The following CEP128 variants were observed in gnomAD, a reference collection of about 807,000 sequenced individuals.
CEP128 encodes the protein centrosomal protein 128.
A neutral mutation model predicts 156.7 loss-of-function variants in CEP128; 132 were observed. The observed-to-expected ratio is 0.84, with a 90% CI of 0.73 to 0.97. CEP128 has a LOEUF of 0.97. Ranked by LOEUF, CEP128 falls within the 50% of genes least tolerant of loss-of-function variation. The pLI, the probability that CEP128 is intolerant of heterozygous loss-of-function variation, is 0.00. For synonymous variants in CEP128, 469 were observed against 448.9 expected (o/e 1.04, Z -0.57); for missense variants, 1,252 against 1,281.9 (o/e 0.98, Z 0.36).
intron 19 of CEP128, among the ~76,000 whole-genome samples, chr14:80,726,111 T>C (rs1357202221): frequency 6.6e-6 from 1 of 152,142 alleles, no homozygotes; most frequent in Non-Finnish European, 1.5e-5. Flanking sequence ...TCTCTTGTGG[T>C]TTAGAAACCA....
chr14:80,785,072 T>A lies in CEP128; in HGVS notation c.2034A>T (p.Glu678Asp), dbSNP rs1235469773. Residue 678 changes from glutamate (E) to aspartate (D), a missense_variant, in exon 15 of 25, where the codon GAA (glutamate) becomes GAT (aspartate). Physicochemically the swap from Glu to Asp is conservative, Grantham distance 45. Coordinates refer to ENST00000555265, the MANE Select transcript of CEP128 (RefSeq NM_152446.5). ...LTAQAKSRDE[E>D]TATIITQLKL... ...TTAACTGTGTGATGATTGTAGCTGT[T>A]TCTTCATCCCTGGATTTTGCCTGTG... 3 of 1,614,192 alleles carry A rather than the reference T, an allele frequency of 1.9e-6. No homozygotes were observed. In the Admixed American group the frequency reaches 5.0e-5, roughly 27 times the overall value.
At chr14:80,893,856 A>G (rs1036558735) in intron 8 of CEP128, among the ~76,000 whole-genome samples, 19 of 151,994 alleles carry the variant, frequency 1.3e-4, no homozygotes, top group African/African-American at 4.3e-4. Context: ...AGAGTCCAGA[A>G]ACAGATGTTT....
intron 22 of CEP128, 111 bp downstream of exon 22, chr14:80,530,698 A>G: frequency 3.3e-6 from 2 of 614,274 alleles, no homozygotes; most frequent in Non-Finnish European, 5.4e-6. Context: ...AAAAGTTCCC[A>G]ATGTTTTTTG....
chr14:80,670,398 A>C lies in CEP128; in HGVS notation c.2806+72677T>G, dbSNP rs77749778. On this transcript the variant is annotated intron_variant, in intron 19 of 24. Transcript: ENST00000555265. ...TGTCTGTCTGTCTACCTACTTGCCT[A>C]TCTACCTACCTACCTATTTATATAC... Among the ~76,000 whole-genome samples the C allele has an allele frequency of 3.3e-4, 50 of 152,296 alleles. No homozygotes were observed. The East Asian group carries it at 8.1e-3, about 25-fold the overall frequency.
intron 19 of CEP128, among the ~76,000 whole-genome samples, chr14:80,581,704 C>G (rs780186363): frequency 6.6e-6 from 1 of 152,132 alleles, no homozygotes; most frequent in South Asian, 2.1e-4. Context: ...GTAAAAAGAG[C>G]AGGCCAGTGT....
chr14:80,701,435 G>A (rs541260286), intron 19 of CEP128, among the ~76,000 whole-genome samples: 1 of 152,200 alleles, frequency 6.6e-6, no homozygotes, highest in South Asian at 2.1e-4. Flanking sequence ...ACTTTATAGT[G>A]GCTGCAGACT....
At chr14:80,554,946 T>C (rs1824531165) in intron 21 of CEP128, among the ~76,000 whole-genome samples, 1 of 152,078 alleles carries the variant, frequency 6.6e-6, no homozygotes, top group Non-Finnish European at 1.5e-5. Flanking sequence ...CAGAAAAAAA[T>C]CCTTCCCAAC....
upstream of CEP128, among the ~76,000 whole-genome samples, chr14:80,944,382 C>A (rs140285932): frequency 8.5e-5 from 13 of 152,220 alleles, no homozygotes; most frequent in Non-Finnish European, 1.8e-4. Context: ...TGAGTGAGTT[C>A]TCAGGAGATC....
intron 2 of CEP128, among the ~76,000 whole-genome samples, chr14:80,950,810 C>T (rs923361503): frequency 6.6e-6 from 1 of 151,056 alleles, no homozygotes; most frequent in Non-Finnish European, 1.5e-5. Flanking sequence ...TCTCAAAATA[C>T]CCCAAGCACA....
At chr14:80,883,007 A>G (rs757126350) in intron 8 of CEP128, among the ~76,000 whole-genome samples, 2 of 152,216 alleles carry the variant, frequency 1.3e-5, no homozygotes, top group Admixed American at 6.5e-5. Context: ...ACTAAGGTCA[A>G]TAAGAATTTA....
intron 13 of CEP128, among the ~76,000 whole-genome samples, chr14:80,801,372 T>C (rs749037307): frequency 8.0e-6 from 1 of 124,366 alleles, no homozygotes; most frequent in Non-Finnish European, 1.8e-5. Context: ...TGGCTGTGGG[T>C]TTGTCATAAA....
chr14:80,504,486 CACAGAGTGAAATCTAGCAGT>C (rs1415393694), intron 24 of CEP128, among the ~76,000 whole-genome samples: 1 of 152,194 alleles, frequency 6.6e-6, no homozygotes, highest in African/African-American at 2.4e-5. Context: ...TATCAAGATT[CACAGAGTGAAATCTAGCAGT>C]AATAGTATTC....
chr14:80,922,090 A>G (rs1884899505), intron 2 of CEP128, among the ~76,000 whole-genome samples: 1 of 152,252 alleles, frequency 6.6e-6, no homozygotes, highest in African/African-American at 2.4e-5. Flanking sequence ...AAACAAATTT[A>G]AAGACCTCTT....
rs553788744 is a variant in CEP128, at chr14:80,846,531, C to A, written c.763-5763G>T. ...AGGAAGCTATAAGCAAATTGATCAA[C>A]CCCGGAAGGCATCCTGAAAAACACA... On this transcript the variant is annotated intron_variant, in intron 9 of 24. Transcript: ENST00000555265. 2.6e-5 allele frequency among the ~76,000 whole-genome samples: 4 copies of A among 152,164 alleles called. No individual in the cohort carries two copies. The South Asian group carries it at 8.3e-4, about 32-fold the overall frequency.
chr14:80,675,201 G>T (rs1269384756), intron 19 of CEP128, among the ~76,000 whole-genome samples: 1 of 151,992 alleles, frequency 6.6e-6, no homozygotes, highest in Non-Finnish European at 1.5e-5. Context: ...TATTCAAAGT[G>T]TGTTGATGTA....
At chr14:80,588,499 A>G (rs1472032402) in intron 19 of CEP128, among the ~76,000 whole-genome samples, 1 of 152,142 alleles carries the variant, frequency 6.6e-6, no homozygotes. Context: ...TTTAAGGTAT[A>G]TATGATATAC....
chr14:80,681,563 G>A (rs945233589), intron 19 of CEP128, among the ~76,000 whole-genome samples: 9 of 152,282 alleles, frequency 5.9e-5, no homozygotes, highest in South Asian at 2.1e-4. Flanking sequence ...ATTGAATCAC[G>A]GGGGTGGTTT....
chr14:80,862,776 A>G lies in CEP128; in HGVS notation c.743T>C (p.Met248Thr). The G allele has an allele frequency of 1.9e-6, 3 of 1,606,370 alleles. No individual in the cohort carries two copies. Among genetic ancestry groups the G allele is most frequent in the Non-Finnish European group, 2.6e-6 (3 of 1,172,892 alleles). The change falls in exon 9 of 25, where the codon ATG (methionine) becomes ACG (threonine). Residue 248 changes from methionine to threonine, a missense_variant. Transcript: ENST00000555265. The stretch of plus-strand genomic sequence containing the variant: ...ACAAACCTCCTGTAGCTGCAGGGAC[A>G]TGAGTCCCAGTTGATCCTGGCGTCT... ...VERRQDQLGL[M>T]SLQLQEALKK... is the part of the protein sequence containing the mutation.
At chr14:80,832,542 C>T (rs530529441) in intron 12 of CEP128, among the ~76,000 whole-genome samples, 12 of 152,210 alleles carry the variant, frequency 7.9e-5, no homozygotes, top group African/African-American at 2.6e-4. Flanking sequence ...ATGATAAGAG[C>T]GCTGATACAT....
Sources: gnomAD v4.1 joint callset for allele counts (sites outside exome capture counted in the v4.1 genomes callset) on GRCh38, gnomAD v4.1.1 for gene constraint, MANE v1.5 for transcripts, NCBI Gene and HGNC (gene_info 2026-07-23, HGNC 2026-07-21) for gene names.